The following RSPO2 variants were observed in gnomAD, a reference collection of about 807,000 sequenced individuals.
RSPO2 encodes R-spondin-2.
A neutral mutation model predicts 30.9 loss-of-function variants in RSPO2; 14 were observed. The observed-to-expected ratio is 0.45, with a 90% CI of 0.30 to 0.71. RSPO2 has a LOEUF of 0.71. Ranked by LOEUF, RSPO2 falls within the 30% of genes least tolerant of loss-of-function variation. The pLI is 0.08. For missense variants in RSPO2, 264 were observed against 301.9 expected, an observed-to-expected ratio of 0.87 and a Z score of 0.93; for synonymous variants, 107 against 96.4, an observed-to-expected ratio of 1.11 and a Z score of -0.64.
chr8:107,945,904 C>T (rs1813044644), intron 5 of RSPO2, among the ~76,000 whole-genome samples: 1 of 152,044 alleles, frequency 6.6e-6, no homozygotes, highest in Non-Finnish European at 1.5e-5. Flanking sequence ...TCAATTTTAC[C>T]ACCTAGATTA....
chr8:107,902,546 T>C (rs1766149268), intron 5 of RSPO2, among the ~76,000 whole-genome samples: 1 of 152,058 alleles, frequency 6.6e-6, no homozygotes, highest in African/African-American at 2.4e-5. Flanking sequence ...GACCAGAGTC[T>C]AGGGAGATAC....
At chr8:107,981,126 G>A (rs756918424) in intron 3 of RSPO2, among the ~76,000 whole-genome samples, 2 of 152,104 alleles carry the variant, frequency 1.3e-5, no homozygotes, top group Admixed American at 6.5e-5. Flanking sequence ...TTATATGTGT[G>A]TCCACAGTTG....
At chr8:108,001,002 TAAAA>T (rs577921094) in intron 2 of RSPO2, among the ~76,000 whole-genome samples, 1 of 143,564 alleles carries the variant, frequency 7.0e-6, no homozygotes, top group Non-Finnish European at 1.5e-5. Flanking sequence ...CACTCTGTCT[TAAAA>T]AAATAAAAAT....
intron 2 of RSPO2, among the ~76,000 whole-genome samples, chr8:108,054,308 T>C (rs1476202969): frequency 3.9e-5 from 6 of 152,112 alleles, no homozygotes; most frequent in Admixed American, 3.9e-4. Context: ...AGGAAGACTT[T>C]GACAAACTCA....
At chr8:107,983,498 C>T (rs1814520599) in intron 3 of RSPO2, 11 of 1,599,006 alleles carry the variant, frequency 6.9e-6, no homozygotes, top group Non-Finnish European at 9.4e-6. Context: ...AAATGTCTGC[C>T]TGAGATTCAG....
intron 3 of RSPO2, among the ~76,000 whole-genome samples, chr8:107,965,339 A>C (rs886695079): frequency 3.9e-5 from 6 of 152,188 alleles, no homozygotes; most frequent in African/African-American, 1.4e-4. Flanking sequence ...CTTGGCCAAG[A>C]AACAGAAAAA....
intron 2 of RSPO2, among the ~76,000 whole-genome samples, chr8:108,075,535 A>C (rs1812984349): frequency 6.6e-6 from 1 of 152,010 alleles, no homozygotes; most frequent in African/African-American, 2.4e-5. Context: ...CCATACCCAC[A>C]AATCACCTGT....
intron 5 of RSPO2, among the ~76,000 whole-genome samples, chr8:107,947,590 G>A (rs575572823): frequency 4.6e-5 from 7 of 152,254 alleles, no homozygotes; most frequent in South Asian, 4.1e-4. Flanking sequence ...ATCAGAACCC[G>A]TAAGTATTCT....
chr8:108,004,614 A>G (rs1563559749), intron 2 of RSPO2, among the ~76,000 whole-genome samples: 1 of 152,318 alleles, frequency 6.6e-6, no homozygotes, highest in Non-Finnish European at 1.5e-5. Context: ...CTGCATCTAC[A>G]TTCATGGAAA....
chr8:108,002,959 C>T (rs1357659759), intron 2 of RSPO2, among the ~76,000 whole-genome samples: 2 of 151,708 alleles, frequency 1.3e-5, no homozygotes, highest in Admixed American at 6.6e-5. Context: ...CAGTTTTCTA[C>T]AATGTAGTTC....
chr8:108,033,849 C>T (rs562446195), intron 2 of RSPO2, among the ~76,000 whole-genome samples: 4 of 152,302 alleles, frequency 2.6e-5, no homozygotes, highest in South Asian at 2.1e-4. Context: ...CCAAGTTGTA[C>T]ATTCTTTGTG....
chr8:107,973,168 G>A (rs566987590), intron 3 of RSPO2, among the ~76,000 whole-genome samples: 1 of 152,024 alleles, frequency 6.6e-6, no homozygotes, highest in African/African-American at 2.4e-5. Flanking sequence ...TACCCAGGAG[G>A]CTGAGCCAGG....
chr8:108,066,970 T>G (rs1440832506), intron 2 of RSPO2, among the ~76,000 whole-genome samples: 1 of 152,184 alleles, frequency 6.6e-6, no homozygotes, highest in African/African-American at 2.4e-5. Flanking sequence ...CCAAAAAAGT[T>G]GAACCTGAAT....
intron 3 of RSPO2, among the ~76,000 whole-genome samples, chr8:107,969,541 C>T (rs1470685257): frequency 6.6e-6 from 1 of 152,126 alleles, no homozygotes; most frequent in Non-Finnish European, 1.5e-5. Context: ...GGTCAAATAA[C>T]GAGGAACTCT....
At chr8:107,909,497 G>A (rs1016397026) in intron 5 of RSPO2, among the ~76,000 whole-genome samples, 1 of 151,944 alleles carries the variant, frequency 6.6e-6, no homozygotes, top group African/African-American at 2.4e-5. Flanking sequence ...TCCTGACCTC[G>A]TGATCCTCCT....
At chr8:107,963,522 C>CAACAAAAAA (rs1813698840) in intron 3 of RSPO2, among the ~76,000 whole-genome samples, 1 of 32,020 alleles carries the variant, frequency 3.1e-5, no homozygotes, top group South Asian at 1.9e-3. Flanking sequence ...AGACCTGTCT[C>CAACAAAAAA]AAAAAAAAAA....
intron 5 of RSPO2, among the ~76,000 whole-genome samples, chr8:107,939,202 G>A (rs892043020): frequency 2.3e-4 from 35 of 151,802 alleles, no homozygotes; most frequent in African/African-American, 8.2e-4. Flanking sequence ...TATGGCCACC[G>A]GCAGGAACTG....
At chr8:108,060,893 GA>G (rs557059380) in intron 2 of RSPO2, among the ~76,000 whole-genome samples, 7,984 of 151,796 alleles carry the variant, frequency 0.053, 818 homozygotes, top group African/African-American at 0.18. Flanking sequence ...CATTCTTAAA[GA>G]AAAGAATTTT....
chr8:107,917,390 C>A (rs941972716), intron 5 of RSPO2, among the ~76,000 whole-genome samples: 5 of 152,096 alleles, frequency 3.3e-5, no homozygotes, highest in African/African-American at 1.2e-4. Flanking sequence ...GAGGCTGAGG[C>A]AGGTGAATCA....
Sources: allele counts gnomAD v4.1 joint callset (sites outside exome capture counted in the v4.1 genomes callset), GRCh38; gene constraint gnomAD v4.1.1; transcripts MANE v1.5; gene names NCBI Gene and HGNC (gene_info 2026-07-23, HGNC 2026-07-21).